Variants in DMD observed in about 807,000 individuals in gnomAD.
DMD encodes mutant dystrophin.
In DMD, 63 loss-of-function variants were observed where a neutral mutation model predicts 330.1. That is an observed-to-expected ratio of 0.19 (90% CI 0.16 to 0.24). The LOEUF is 0.24. DMD is among the 10% of genes least tolerant of loss of function. DMD has a pLI of 1.00. For synonymous variants in DMD, 1,223 were observed against 959.8 expected, an observed-to-expected ratio of 1.27 and a Z score of -5.07; for missense variants, 3,344 against 2,684.1, an observed-to-expected ratio of 1.25 and a Z score of -5.43.
intron 17 of DMD, among the ~76,000 whole-genome samples, chrX:32,535,461 C>G (rs2047863302): frequency 8.9e-6 from 1 of 111,917 alleles, no homozygotes; most frequent in Non-Finnish European, 1.9e-5. Flanking sequence ...AGATGTATCT[C>G]TGCTGTGGCT....
At chrX:31,673,983 A>T (rs1475561569) in intron 53 of DMD, among the ~76,000 whole-genome samples, 3 of 111,566 alleles carry the variant, frequency 2.7e-5, no homozygotes, top group Non-Finnish European at 5.6e-5. Context: ...TTTAGGGGAG[A>T]ACAAAAGGGA....
chrX:33,277,406 G>T lies in DMD; in HGVS notation c.7+61853C>A, dbSNP rs563348652. Among the ~76,000 whole-genome samples, 26 of 111,152 alleles carry T rather than the reference G, an allele frequency of 2.3e-4. No homozygotes were observed. In the East Asian group the frequency reaches 4.3e-3, roughly 18 times the overall value. On this transcript the variant is annotated intron_variant, in intron 1 of 17. Coordinates refer to the DMD transcript ENST00000288447. ...CTATTGAATTGTACACTTTAAAATG[G>T]TTACTTTTATGTTATGTGAATTTTA...
At chrX:33,010,204 G>GTGTGTATATGTGTACATA (rs1557208488) in intron 2 of DMD, among the ~76,000 whole-genome samples, 12 of 89,725 alleles carry the variant, frequency 1.3e-4, no homozygotes, top group South Asian at 1.1e-3. Context: ...ATATGCATAT[G>GTGTGTATATGTGTACATA]TGTGTGTATA....
intron 17 of DMD, among the ~76,000 whole-genome samples, chrX:32,540,003 G>A (rs140921323): frequency 0.032 from 3,533 of 111,578 alleles, 139 homozygotes; most frequent in African/African-American, 0.11. Flanking sequence ...TTACTTGGGG[G>A]AAATTATCTT....
intron 60 of DMD, among the ~76,000 whole-genome samples, chrX:31,381,353 C>T (rs767017757): frequency 4.5e-5 from 5 of 111,900 alleles, no homozygotes; most frequent in African/African-American, 6.5e-5. Context: ...CTCATGTCTG[C>T]GTGCGGCAGC....
At chrX:32,890,769 A>G (rs980402380) in intron 2 of DMD, among the ~76,000 whole-genome samples, 1 of 111,815 alleles carries the variant, frequency 8.9e-6, no homozygotes, top group African/African-American at 3.3e-5. Flanking sequence ...GAACATTTGA[A>G]ATGGGACTAG....
chrX:32,725,793 C>A (rs961675359), intron 7 of DMD, among the ~76,000 whole-genome samples: 3 of 110,841 alleles, frequency 2.7e-5, no homozygotes, highest in Non-Finnish European at 3.8e-5. Context: ...GGTGACTATA[C>A]TCAATAATTT....
chrX:31,309,422 C>A (rs1053660853), intron 62 of DMD, among the ~76,000 whole-genome samples: 1 of 112,017 alleles, frequency 8.9e-6, no homozygotes, highest in African/African-American at 3.2e-5. Context: ...CTGACCCTGG[C>A]CTTTTCTTAG....
chrX:31,746,118 G>C (rs1361008208), intron 51 of DMD, among the ~76,000 whole-genome samples: 8 of 112,010 alleles, frequency 7.1e-5, no homozygotes, highest in Non-Finnish European at 1.5e-4. Context: ...ACCTTTTCAC[G>C]TTTTAAAAAC....
intron 62 of DMD, chrX:31,266,944 G>A (rs1266987918): frequency 8.8e-7 from 1 of 1,130,323 alleles, no homozygotes; most frequent in East Asian, 3.4e-5. Context: ...GCTCACAGCT[G>A]AAAGCACTGC....
chrX:31,990,594 T>C (rs1343272990), intron 44 of DMD, among the ~76,000 whole-genome samples: 3 of 112,354 alleles, frequency 2.7e-5, no homozygotes, highest in Non-Finnish European at 5.6e-5. Context: ...GAGCTGTGAT[T>C]ATGAGAAAAT....
At chrX:32,716,150 A>C (rs1370998185) in intron 7 of DMD, among the ~76,000 whole-genome samples, 1 of 111,417 alleles carries the variant, frequency 9.0e-6, no homozygotes, top group Non-Finnish European at 1.9e-5. Context: ...TGTCGTATTT[A>C]TTGTTTGAGT....
chrX:32,223,212 G>A (rs1009331086), intron 43 of DMD, among the ~76,000 whole-genome samples: 2 of 111,849 alleles, frequency 1.8e-5, no homozygotes, highest in Non-Finnish European at 3.8e-5. Context: ...AAAGGCTCTG[G>A]CATTTGGTGT....
At chrX:32,803,354 CTCTTT>C (rs1399772640) in intron 7 of DMD, among the ~76,000 whole-genome samples, 1 of 110,027 alleles carries the variant, frequency 9.1e-6, no homozygotes, top group African/African-American at 3.3e-5. Flanking sequence ...TGATTCTTCT[CTCTTT>C]TCTTCTTTTT....
chrX:31,337,009 C>T (rs903008836), intron 61 of DMD, among the ~76,000 whole-genome samples: 11 of 107,018 alleles, frequency 1.0e-4, no homozygotes, highest in African/African-American at 2.1e-4. Context: ...CTGCAACCTC[C>T]GTCTCCTGGG....
intron 1 of DMD, among the ~76,000 whole-genome samples, chrX:33,119,315 C>G (rs751594646): frequency 1.7e-4 from 19 of 112,357 alleles, no homozygotes; most frequent in South Asian, 1.5e-3. Context: ...TCTTCTTTCT[C>G]CAATACCTAC....
chrX:32,388,415 A>G (rs1215905855), intron 32 of DMD, among the ~76,000 whole-genome samples: 1 of 100,947 alleles, frequency 9.9e-6, no homozygotes, highest in Admixed American at 1.1e-4. Context: ...TCTAATATCA[A>G]CTAACTACTT....
chrX:31,988,934 A>G (rs2095530815), intron 44 of DMD, among the ~76,000 whole-genome samples: 2 of 111,660 alleles, frequency 1.8e-5, no homozygotes, highest in African/African-American at 6.5e-5. Flanking sequence ...TCTGAGTCCA[A>G]AGGCATGAGA....
intron 10 of DMD, among the ~76,000 whole-genome samples, 182 bp from the exon 11 acceptor site, chrX:32,644,495 T>C (rs1170942849): frequency 1.8e-5 from 2 of 110,635 alleles, no homozygotes; most frequent in Non-Finnish European, 3.8e-5. Flanking sequence ...AGGAAAATTA[T>C]CTTAAGTCAA....
Sources: allele counts gnomAD v4.1 joint callset (sites outside exome capture counted in the v4.1 genomes callset), GRCh38; gene constraint gnomAD v4.1.1; transcripts MANE v1.5; gene names NCBI Gene and HGNC (gene_info 2026-07-23, HGNC 2026-07-21).